IMMP2L: variants seen among roughly 807,000 people sequenced by gnomAD.
IMMP2L encodes the protein mitochondrial inner membrane protease subunit 2.
In IMMP2L, 18 loss-of-function variants were observed where a neutral mutation model predicts 19.3. The ratio of observed to expected loss-of-function variants is 0.93; its 90% CI spans 0.64 to 1.38. The LOEUF (loss-of-function observed/expected upper bound fraction) is 1.38, where lower values mean the gene tolerates loss of function less well. IMMP2L is among the 40% of genes most tolerant of loss of function. The pLI, the probability that IMMP2L is intolerant of heterozygous loss-of-function variation, is 0.00. For synonymous variants in IMMP2L, 76 were observed against 73.0 expected, an observed-to-expected ratio of 1.04 and a Z score of -0.21; for missense variants, 233 against 218.2, an observed-to-expected ratio of 1.07 and a Z score of -0.43.
chr7:110,898,958 C>T (rs1313544935), intron 4 of IMMP2L, among the ~76,000 whole-genome samples: 11 of 151,850 alleles, frequency 7.2e-5, no homozygotes, highest in Non-Finnish European at 1.3e-4. Context: ...TTTAGGCCTT[C>T]GGGGCCACAA....
At chr7:110,991,649 C>A (rs926897033) in intron 3 of IMMP2L, among the ~76,000 whole-genome samples, 1 of 152,182 alleles carries the variant, frequency 6.6e-6, no homozygotes, top group Admixed American at 6.5e-5. Flanking sequence ...AGACACACTA[C>A]TAGTAGACTC....
chr7:111,023,957 A>G (rs868684799), intron 3 of IMMP2L, among the ~76,000 whole-genome samples: 10 of 152,324 alleles, frequency 6.6e-5, no homozygotes, highest in Middle Eastern at 6.8e-3. Context: ...TATATATTCA[A>G]CTGTAATCTC....
chr7:110,839,542 G>GTA (rs146220902), intron 5 of IMMP2L, among the ~76,000 whole-genome samples: 4 of 151,858 alleles, frequency 2.6e-5, no homozygotes, highest in South Asian at 2.1e-4. Flanking sequence ...CAAGCACTCA[G>GTA]TATATATATA....
intron 1 of IMMP2L, among the ~76,000 whole-genome samples, chr7:111,536,101 A>T (rs1847864289): frequency 6.6e-6 from 1 of 152,176 alleles, no homozygotes; most frequent in Non-Finnish European, 1.5e-5. Flanking sequence ...TACTTATTAA[A>T]TAAAGTCAGT....
chr7:111,000,716 T>A (rs1823576959), intron 3 of IMMP2L, among the ~76,000 whole-genome samples: 1 of 151,910 alleles, frequency 6.6e-6, no homozygotes, highest in African/African-American at 2.4e-5. Flanking sequence ...TGGTGGTGGA[T>A]GCCTGTAATC....
At chr7:111,551,841 T>C (rs1790690514) in intron 1 of IMMP2L, among the ~76,000 whole-genome samples, 1 of 152,064 alleles carries the variant, frequency 6.6e-6, no homozygotes, top group African/African-American at 2.4e-5. Flanking sequence ...TAAAAGACAC[T>C]GAATAGGAGG....
At chr7:110,772,622 T>C (rs1799111297) in intron 5 of IMMP2L, among the ~76,000 whole-genome samples, 1 of 152,066 alleles carries the variant, frequency 6.6e-6, no homozygotes, top group Non-Finnish European at 1.5e-5. Flanking sequence ...CACCAGTGGG[T>C]ACCATGGAGG....
rs1843624050 is a variant in IMMP2L, at chr7:111,496,671, C to CTCTG, written c.136-9334_136-9331dup. 2.6e-5 allele frequency among the ~76,000 whole-genome samples: 4 copies of CTCTG among 152,300 alleles called. No homozygotes were observed. The South Asian group carries it at 8.3e-4, about 32-fold the overall frequency. ...ATTGCAAATCTTAGAACTCCAGGTCCTCTGACTTTTAGACTCTGGGACTTG... is the reference window on the plus strand; with the variant it reads ...ATTGCAAATCTTAGAACTCCAGGTCCTCTGTCTGACTTTTAGACTCTGGGACTTG... On this transcript the variant is annotated intron_variant, in intron 2 of 5. Coordinates refer to ENST00000405709, the MANE Select transcript of IMMP2L (RefSeq NM_032549.4).
chr7:110,832,581 G>A (rs12674353), intron 5 of IMMP2L, among the ~76,000 whole-genome samples: 27,741 of 152,046 alleles, frequency 0.18, 2,747 homozygotes, highest in South Asian at 0.28. Context: ...AACTCAGAAC[G>A]TTGTGAAGCC....
At chr7:110,801,611 A>C (rs1554421334) in intron 5 of IMMP2L, among the ~76,000 whole-genome samples, 1 of 152,116 alleles carries the variant, frequency 6.6e-6, no homozygotes, top group Non-Finnish European at 1.5e-5. Context: ...GATAGGTTTA[A>C]GAATGTGAAA....
At chr7:111,111,942 G>GTTTTTTTTTTTTTTTTTTTTTTTTTTTTT (rs748410980) in intron 3 of IMMP2L, among the ~76,000 whole-genome samples, 1 of 84,110 alleles carries the variant, frequency 1.2e-5, no homozygotes, top group Non-Finnish European at 2.2e-5. Context: ...TATATAGTTT[G>GTTTTTTTTTTTTTTTTTTTTTTTTTTTTT]TTTTTTTTTT....
At chr7:110,841,112 C>T (rs1172965320) in intron 5 of IMMP2L, among the ~76,000 whole-genome samples, 3 of 151,846 alleles carry the variant, frequency 2.0e-5, no homozygotes, top group African/African-American at 7.2e-5. Flanking sequence ...ATTTTCAAGC[C>T]CTACTGGTAT....
At chr7:111,551,495 GGTGTGTGTGT>G (rs60697579) in intron 1 of IMMP2L, among the ~76,000 whole-genome samples, 32 of 145,354 alleles carry the variant, frequency 2.2e-4, no homozygotes, top group Middle Eastern at 3.4e-3. Context: ...GACTGTTAGA[GGTGTGTGTGT>G]GTGTGTGTGT....
chr7:110,899,551 C>T (rs945537363), intron 4 of IMMP2L, among the ~76,000 whole-genome samples: 10 of 152,120 alleles, frequency 6.6e-5, no homozygotes, highest in African/African-American at 2.4e-4. Flanking sequence ...GGAATTCTTG[C>T]TAATTCAAGC....
At chr7:111,057,291 C>T (rs1332139097) in intron 3 of IMMP2L, among the ~76,000 whole-genome samples, 1 of 152,124 alleles carries the variant, frequency 6.6e-6, no homozygotes, top group Non-Finnish European at 1.5e-5. Context: ...CTCCATTCCT[C>T]CAGAATATGA....
At chr7:111,539,216 AAGAAAGAAAGAAAG>A (rs1485708876) in intron 1 of IMMP2L, among the ~76,000 whole-genome samples, 5 of 100,918 alleles carry the variant, frequency 5.0e-5, no homozygotes, top group East Asian at 2.8e-4. Flanking sequence ...GAAAGAAAGA[AAGAAAGAAAGAAAG>A]AAAGAAAGAA....
At chr7:110,668,358 C>G (rs1451607061) in intron 5 of IMMP2L, among the ~76,000 whole-genome samples, 1 of 152,170 alleles carries the variant, frequency 6.6e-6, no homozygotes, top group Non-Finnish European at 1.5e-5. Context: ...TTGTTCTTAT[C>G]TGAGCTCAGC....
intron 3 of IMMP2L, among the ~76,000 whole-genome samples, chr7:111,357,878 C>A (rs1030542972): frequency 6.6e-6 from 1 of 151,850 alleles, no homozygotes; most frequent in African/African-American, 2.4e-5. Flanking sequence ...CTGAAAGTAA[C>A]CCAAGGGCAC....
At chr7:110,826,505 C>T (rs1467791717) in intron 5 of IMMP2L, among the ~76,000 whole-genome samples, 5 of 151,938 alleles carry the variant, frequency 3.3e-5, no homozygotes, top group Admixed American at 6.6e-5. Context: ...TACTATGCAG[C>T]CATAAAAAAG....
Sources: gnomAD v4.1 joint callset for allele counts (sites outside exome capture counted in the v4.1 genomes callset) on GRCh38, gnomAD v4.1.1 for gene constraint, MANE v1.5 for transcripts, NCBI Gene and HGNC (gene_info 2026-07-23, HGNC 2026-07-21) for gene names.